Variants in ZMYM4 observed in about 807,000 individuals in gnomAD.
The protein encoded by ZMYM4 is zinc finger MYM-type containing 4.
Under a neutral mutation model 183.2 loss-of-function variants are expected in ZMYM4, and 31 were observed. The observed-to-expected ratio is 0.17, with a 90% confidence interval of 0.13 to 0.23. ZMYM4 has a LOEUF of 0.23. Ranked by LOEUF, ZMYM4 falls within the 10% of genes least tolerant of loss-of-function variation. The pLI is 1.00. For synonymous variants in ZMYM4, 592 were observed against 631.2 expected, an observed-to-expected ratio of 0.94 and a Z score of 0.93; for missense variants, 1,273 against 1,840.3, an observed-to-expected ratio of 0.69 and a Z score of 5.64.
At chr1:35,398,776 TGG>T in intron 21 of ZMYM4, 86 bp from the exon 22 acceptor site, 3 of 1,344,204 alleles carry the variant, frequency 2.2e-6, no homozygotes, top group Admixed American at 2.0e-5. Flanking sequence ...TCTCATTTTT[TGG>T]TATTTAGGGG....
At chr1:35,383,000 TTA>T (rs1291490306) in intron 9 of ZMYM4, among the ~76,000 whole-genome samples, 1 of 152,154 alleles carries the variant, frequency 6.6e-6, no homozygotes, top group Non-Finnish European at 1.5e-5. Flanking sequence ...ATAATCAAAA[TTA>T]TATCATTAAT....
chr1:35,352,273 A>ACGCGCGCG (rs1418970124), intron 2 of ZMYM4, among the ~76,000 whole-genome samples: 1 of 6,968 alleles, frequency 1.4e-4, no homozygotes, highest in African/African-American at 2.6e-4. Flanking sequence ...GCGCGCGCAC[A>ACGCGCGCG]CACACACACA....
At chr1:35,282,878 C>T (rs1248928754) in intron 1 of ZMYM4, among the ~76,000 whole-genome samples, 2 of 149,794 alleles carry the variant, frequency 1.3e-5, no homozygotes, top group African/African-American at 4.9e-5. Flanking sequence ...TTTGAGGAAC[C>T]TTTTGCACAG....
At chr1:35,282,589 T>C (rs1000032644) in intron 1 of ZMYM4, among the ~76,000 whole-genome samples, 8 of 152,182 alleles carry the variant, frequency 5.3e-5, no homozygotes, top group African/African-American at 9.7e-5. Flanking sequence ...AGGGTCTCAC[T>C]TTGTTGTCCA....
At chr1:35,367,448 C>CA (rs1644112786) in intron 5 of ZMYM4, among the ~76,000 whole-genome samples, 1 of 151,552 alleles carries the variant, frequency 6.6e-6, no homozygotes, top group Non-Finnish European at 1.5e-5. Context: ...AGGCTGGTCT[C>CA]AGACTCCTAA....
At position 35,401,770 on chromosome 1, in the gene ZMYM4, G is replaced by A. The variant is rs115180884; in HGVS notation, c.3528+2194G>A. ...CTTTTATGTTTGTGATCTATTTTGA[G>A]GTAATTTTTATATATGAGTTGAGAC... is the stretch of plus-strand genomic sequence containing the variant. On this transcript the variant is annotated intron_variant, in intron 23 of 29. Transcript: ENST00000314607. Among the ~76,000 whole-genome samples, 1,136 of 152,022 alleles carry A rather than the reference G, an allele frequency of 7.5e-3. 15 individuals carry two copies. Among genetic ancestry groups the A allele is most frequent in the African/African-American group, 0.026 (1,083 of 41,464 alleles).
chr1:35,291,264 A>C (rs769112600), intron 1 of ZMYM4, among the ~76,000 whole-genome samples: 1 of 151,784 alleles, frequency 6.6e-6, no homozygotes, highest in Non-Finnish European at 1.5e-5. Context: ...TATTCCCCCC[A>C]GTTTGTGGCT....
intron 15 of ZMYM4, 45 bp downstream of exon 15, chr1:35,390,143 A>G (rs1570505513): frequency 2.5e-6 from 4 of 1,579,304 alleles, no homozygotes; most frequent in Non-Finnish European, 3.5e-6. Flanking sequence ...GGTCAATACT[A>G]GGAACTACTG....
intron 1 of ZMYM4, among the ~76,000 whole-genome samples, chr1:35,296,453 G>A (rs1399473643): frequency 6.6e-6 from 1 of 152,090 alleles, no homozygotes. Flanking sequence ...GTAATATCCT[G>A]AGACTCTGTT....
chr1:35,288,623 A>C (rs924023755), intron 1 of ZMYM4, among the ~76,000 whole-genome samples: 5 of 152,176 alleles, frequency 3.3e-5, no homozygotes, highest in Non-Finnish European at 5.9e-5. Flanking sequence ...AACTTAGTAT[A>C]ATAGGGAATT....
chr1:35,413,773 T>C (rs187509132), intron 26 of ZMYM4, among the ~76,000 whole-genome samples, 199 bp from the exon 27 acceptor site: 2 of 152,324 alleles, frequency 1.3e-5, no homozygotes, highest in Admixed American at 6.5e-5. Context: ...GTGCTGAAGA[T>C]AATGTGTTAA....
intron 2 of ZMYM4, among the ~76,000 whole-genome samples, chr1:35,354,862 G>A (rs533283178): frequency 6.7e-6 from 1 of 149,154 alleles, no homozygotes; most frequent in African/African-American, 2.5e-5. Context: ...AGCAGTATTT[G>A]ACTGCAGGGG....
At chr1:35,336,490 G>A (rs530441313) in intron 2 of ZMYM4, among the ~76,000 whole-genome samples, 1 of 151,808 alleles carries the variant, frequency 6.6e-6, no homozygotes, top group African/African-American at 2.4e-5. Flanking sequence ...AGGTTCAAGC[G>A]ATTCTCCTGC....
At chr1:35,332,000 AAAGAT>A (rs1417789723) in intron 2 of ZMYM4, among the ~76,000 whole-genome samples, 1 of 151,914 alleles carries the variant, frequency 6.6e-6, no homozygotes, top group Non-Finnish European at 1.5e-5. Flanking sequence ...TTCCCAGTGA[AAAGAT>A]AAGAGAAAAA....
At chr1:35,407,325 A>G (rs1645021142) in intron 25 of ZMYM4, among the ~76,000 whole-genome samples, 1 of 151,900 alleles carries the variant, frequency 6.6e-6, no homozygotes. Context: ...CCAGCTACTC[A>G]GGAGGCTGAG....
At chr1:35,329,463 A>C (rs551840684) in intron 2 of ZMYM4, among the ~76,000 whole-genome samples, 1 of 152,320 alleles carries the variant, frequency 6.6e-6, no homozygotes, top group South Asian at 2.1e-4. Flanking sequence ...TGCTTCCTTA[A>C]GTCAAGGATT....
chr1:35,302,232 G>A (rs1641320650), intron 1 of ZMYM4, among the ~76,000 whole-genome samples: 2 of 115,924 alleles, frequency 1.7e-5, no homozygotes, highest in African/African-American at 4.4e-5. Context: ...TTTTGTGACA[G>A]GGCCTTGCTA....
chr1:35,351,132 C>A, intron 2 of ZMYM4: 1 of 1,017,172 alleles, frequency 9.8e-7, no homozygotes, highest in Non-Finnish European at 1.5e-6. Context: ...TCTTGGTCAG[C>A]CACGTGCCTT....
intron 26 of ZMYM4, among the ~76,000 whole-genome samples, chr1:35,412,491 G>C (rs1639953787): frequency 6.6e-6 from 1 of 152,022 alleles, no homozygotes; most frequent in Non-Finnish European, 1.5e-5. Flanking sequence ...TGGTTAAGGG[G>C]GAAGAGACTT....
Sources: allele counts gnomAD v4.1 joint callset (sites outside exome capture counted in the v4.1 genomes callset), GRCh38; gene constraint gnomAD v4.1.1; transcripts MANE v1.5; gene names NCBI Gene and HGNC (gene_info 2026-07-23, HGNC 2026-07-21).